Variants in LOXL3 observed in about 807,000 individuals in gnomAD.
LOXL3 encodes the protein lysyl oxidase like 3.
In LOXL3, 60 loss-of-function variants were observed where a neutral mutation model predicts 91.8. That is an observed-to-expected ratio of 0.65 (90% CI 0.53 to 0.81). LOXL3 has a LOEUF of 0.81. Ranked by LOEUF, LOXL3 falls within the 30% of genes least tolerant of loss-of-function variation. The pLI is 0.00. For synonymous variants in LOXL3, 355 were observed against 387.6 expected (o/e 0.92, Z 0.99); for missense variants, 874 against 1,000.4 (o/e 0.87, Z 1.70).
rs1055997797 is a variant in LOXL3, at chr2:74,549,171, A to G, written c.692+198T>C. ...CGGGAGCCTCGCTGGTCCCCATTTC[A>G]GGTACTCCCTTGGGGCACCTTTCGT... is the stretch of plus-strand genomic sequence containing the variant. On this transcript the variant is annotated intron_variant, in intron 4 of 13. Transcript: ENST00000264094. The surrounding 1 kb of genome is among the most constrained non-coding windows in gnomAD (Gnocchi z 5.3). 1.2e-5 allele frequency: 6 copies of G among 498,670 alleles called. No individual in the cohort carries two copies. The highest frequency in any genetic ancestry group is 2.0e-5 in the Non-Finnish European group (6 of 300,952). 30.9% of individuals were successfully genotyped at this position (498,670 alleles called of 1,614,324 possible).
Position 74,534,568 on chromosome 2 carries a change from C to T in LOXL3, c.1786G>A (p.Ala596Thr). The change falls in exon 10 of 14, where the codon GCT becomes ACT. Residue 596 changes from alanine (A) to threonine (T), a missense_variant. Ala to Thr is a moderately conservative substitution (Grantham distance 58, BLOSUM62 0). Coordinates refer to ENST00000264094, the MANE Select transcript of LOXL3 (RefSeq NM_032603.5). ...NLGRADFRPK[A>T]GRHSWVWHEC... Reference sequence around the variant, plus strand: ...TGCCACACCCAGGAGTGGCGCCCAGCCTTGGGCCTGAAGTCAGCTCGTCCC... The same window carrying T: ...TGCCACACCCAGGAGTGGCGCCCAGTCTTGGGCCTGAAGTCAGCTCGTCCC... The T allele has an allele frequency of 6.2e-7, 1 of 1,614,206 alleles. No individual in the cohort carries two copies. The highest frequency in any genetic ancestry group is 8.5e-7 in the Non-Finnish European group (1 of 1,180,046).
In LOXL3 at chr2:74,534,428, A is replaced by G. The variant is rs1558617061; in HGVS notation, c.1827T>C (p.His609=). The G allele has an allele frequency of 6.2e-7, 1 of 1,614,182 alleles. No individual in the cohort carries two copies. The highest frequency in any genetic ancestry group is 8.5e-7 in the Non-Finnish European group (1 of 1,180,024). ...GAGTGAAGATGTCCATGCTGTGGTA[A>G]TGCCTGTGGGGAGAAGGGAACTTCT... The part of the protein sequence containing the change: ...HSWVWHECHG[H]YHSMDIFTHY... The change falls in exon 11 of 14, where the codon CAT becomes CAC. Residue 609 remains histidine (H), a synonymous_variant. Coordinates refer to ENST00000264094, the MANE Select transcript of LOXL3 (RefSeq NM_032603.5).
chr2:74,543,234 C>T (rs1024535765), intron 4 of LOXL3, among the ~76,000 whole-genome samples: 1 of 152,174 alleles, frequency 6.6e-6, no homozygotes, highest in African/African-American at 2.4e-5. Flanking sequence ...TCTGCAGGCT[C>T]CTCCCCTATC....
At position 74,535,822 on chromosome 2, in the gene LOXL3, A is replaced by T; in HGVS notation, c.1249-67T>A. 1 of 1,510,640 alleles carries T rather than the reference A, an allele frequency of 6.6e-7. No homozygotes were observed. Among genetic ancestry groups the T allele is most frequent in the Non-Finnish European group, 8.8e-7 (1 of 1,133,068 alleles). The allele number at this position is 1,510,640 out of a possible 1,614,324, so 93.6% of individuals were successfully genotyped here. On this transcript the variant is annotated intron_variant, in intron 7 of 13. Transcript: ENST00000264094. The surrounding 1 kb of genome is among the most constrained non-coding windows in gnomAD (Gnocchi z 4.2). ...GTGAGGTAGTGGGAGTCTCTAACAG[A>T]TGTGGCTGAAGCGTGACTCAGGCAC...
Position 74,536,929 on chromosome 2 carries a change from C to A in LOXL3, c.693-1G>T, listed in dbSNP as rs768548943. The A allele has an allele frequency of 1.1e-5, 17 of 1,613,856 alleles. No homozygotes were observed. Among genetic ancestry groups the A allele is most frequent in the Non-Finnish European group, 1.4e-5 (17 of 1,179,828 alleles). On this transcript the variant is annotated splice_acceptor_variant, in intron 4 of 13. Coordinates refer to ENST00000264094, the MANE Select transcript of LOXL3 (RefSeq NM_032603.5). LOFTEE classifies it high-confidence loss of function. The surrounding 1 kb of genome is among the most constrained non-coding windows in gnomAD (Gnocchi z 4.5). ...GTGTTGCTGCCGTTGGGCTAGCAGC[C>A]TAGGGGGACAGGAGTGAGGTGCAGT...
rs1676377427 is a variant in LOXL3 at position 74,542,483 on chromosome 2, C to T, written c.693-5555G>A. Among the ~76,000 whole-genome samples the T allele has an allele frequency of 3.9e-5, 6 of 152,032 alleles. No individual in the cohort carries two copies. In the South Asian group the frequency reaches 1.2e-3, roughly 32 times the overall value. On this transcript the variant is annotated intron_variant, in intron 4 of 13. Coordinates refer to ENST00000264094, the MANE Select transcript of LOXL3 (RefSeq NM_032603.5). ...CCTGCATACCATTTCTTTTTCTCAA[C>T]TGAATCCTTTTAAACATTCAAATCA...
upstream of LOXL3, chr2:74,555,068 G>T: frequency 1.3e-6 from 2 of 1,496,910 alleles, no homozygotes; most frequent in South Asian, 2.6e-5. This position sits in a 1 kb window ranked among gnomAD's most constrained non-coding sequence, Gnocchi z 6.1. Flanking sequence ...ATCCCAAATC[G>T]ACTTGCGCCG....
At chr2:74,544,054 A>G (rs1676474539) in intron 4 of LOXL3, among the ~76,000 whole-genome samples, 1 of 152,142 alleles carries the variant, frequency 6.6e-6, no homozygotes, top group South Asian at 2.1e-4. Context: ...CTGTAAGCCC[A>G]GCACTTTGGG....
chr2:74,539,621 G>A (rs1370090451), intron 4 of LOXL3, among the ~76,000 whole-genome samples: 2 of 152,174 alleles, frequency 1.3e-5, no homozygotes, highest in African/African-American at 4.8e-5. Context: ...TAAGATCAAA[G>A]CTTGCCCATC....
intron 4 of LOXL3, among the ~76,000 whole-genome samples, chr2:74,543,611 G>A (rs1232960512): frequency 6.6e-6 from 1 of 152,024 alleles, no homozygotes. Flanking sequence ...GGGGCGTGGT[G>A]GCTCATAGCT....
At chr2:74,552,840 G>A in intron 1 of LOXL3, 194 bp from the exon 2 acceptor site, 1 of 566,538 alleles carries the variant, frequency 1.8e-6, no homozygotes, top group East Asian at 2.9e-5. Flanking sequence ...CTGAGGCACA[G>A]GTCATAGAGG....
At position 74,552,545 on chromosome 2, in the gene LOXL3, G is replaced by A; in HGVS notation, c.90C>T (p.Ser30=). The change falls in exon 2 of 14, where the codon TCC becomes TCT. Residue 30 remains serine, a synonymous_variant. Transcript: ENST00000264094. Reference sequence around the variant, plus strand: ...TCCCGGCCTTCTTCTCAGGGCCCGTGGAAGGGGACGGAGACCCCAAGCACG... The same window carrying A: ...TCCCGGCCTTCTTCTCAGGGCCCGTAGAAGGGGACGGAGACCCCAAGCACG... ...CSSCLGSPSP[S]TGPEKKAGSQ... 6.2e-7 allele frequency: 1 copy of A among 1,612,348 alleles called. No individual in the cohort carries two copies. Among genetic ancestry groups the A allele is most frequent in the Non-Finnish European group, 8.5e-7 (1 of 1,179,392 alleles).
chr2:74,546,120 T>C (rs1475603288), intron 4 of LOXL3, among the ~76,000 whole-genome samples: 1 of 152,210 alleles, frequency 6.6e-6, no homozygotes, highest in African/African-American at 2.4e-5. Flanking sequence ...CAGCAAGTCC[T>C]ATAGCTCTGC....
rs1675677087 is a variant in LOXL3, at chr2:74,532,419, C to T, written c.*1187G>A. 3.3e-6 allele frequency: 2 copies of T among 614,414 alleles called. No individual in the cohort carries two copies. The highest frequency in any genetic ancestry group is 6.0e-6 in the Non-Finnish European group (2 of 334,372). 38.1% of individuals were successfully genotyped at this position (614,414 alleles called of 1,614,324 possible). A position where few individuals can be genotyped will look rare whatever the true frequency, so the allele number is the denominator to read the frequency against. ...ATTTAACACTGTTTGTCATTTGGTG[C>T]CCTCATGTGGTGTACATCTTTTATG... On this transcript the variant is annotated 3_prime_UTR_variant, in exon 14 of 14. Transcript: ENST00000264094.
In LOXL3 at chr2:74,534,210, T is replaced by A; in HGVS notation, c.1966A>T (p.Asn656Tyr). Residue 656 changes from asparagine (N) to tyrosine (Y), a missense_variant, in exon 12 of 14, where the codon AAC becomes TAC. Asn to Tyr is a moderately radical substitution (Grantham distance 143). Coordinates refer to ENST00000264094, the MANE Select transcript of LOXL3 (RefSeq NM_032603.5). ...EDVSKRYECA[N>Y]FGEQGITVGC... ...ACAGTGATGCCTTGCTCTCCAAAGT[T>A]GGCACACTCATACCGCTTGGAGACA... 6.2e-7 allele frequency: 1 copy of A among 1,614,166 alleles called. No homozygotes were observed. Among genetic ancestry groups the A allele is most frequent in the East Asian group, 2.2e-5 (1 of 44,868 alleles).
At position 74,549,498 on chromosome 2, in the gene LOXL3, A is replaced by G. The variant is rs749209218; in HGVS notation, c.563T>C (p.Leu188Pro). 8 of 1,613,690 alleles carry G rather than the reference A, an allele frequency of 5.0e-6. No individual in the cohort carries two copies. Residue 188 changes from leucine to proline, a missense_variant, in exon 4 of 14, where the codon CTG becomes CCG. By Grantham distance (98) the Leu-to-Pro change is moderately conservative. Transcript: ENST00000264094. The surrounding 1 kb of genome is among the most constrained non-coding windows in gnomAD (Gnocchi z 5.3). ...GRRPLPVTEGLVEVRLPDGWS... is the reference protein window; with the variant it reads ...GRRPLPVTEGPVEVRLPDGWS... ...GCCGTCAGGAAGCCTGACTTCCACC[A>G]GCCCCTCCGTCACGGGCAGGGGTCG...
rs1346730367 is a variant in LOXL3, at chr2:74,534,127, A to G, written c.2049T>C (p.Asp683=). 6.2e-7 allele frequency: 1 copy of G among 1,614,044 alleles called. No homozygotes were observed. The highest frequency in any genetic ancestry group is 1.3e-5 in the African/African-American group (1 of 74,916). ...GGAGAATGTAGTTTCCTGGCTTCAC[A>G]TCCGTGATGTCAATCCACTGACAGT... The part of the protein sequence containing the change: ...DIDCQWIDIT[D]VKPGNYILQV... Residue 683 remains aspartate, a synonymous_variant, in exon 12 of 14, where the codon GAT becomes GAC. Transcript: ENST00000264094.
intron 4 of LOXL3, among the ~76,000 whole-genome samples, chr2:74,541,755 G>T (rs1387836585): frequency 1.3e-5 from 2 of 150,870 alleles, no homozygotes; most frequent in Admixed American, 1.3e-4. Flanking sequence ...TATATCAACA[G>T]GTCTTTGTAT....
chr2:74,552,757 G>T, intron 1 of LOXL3, 111 bp from the exon 2 acceptor site: 1 of 910,116 alleles, frequency 1.1e-6, no homozygotes, highest in Non-Finnish European at 1.6e-6. Flanking sequence ...GTAAGACAGA[G>T]ACAGCGAGAG....
Sources: gnomAD v4.1 joint callset for allele counts (sites outside exome capture counted in the v4.1 genomes callset) on GRCh38, gnomAD v4.1.1 for gene constraint, Gnocchi (gnomAD v3.1) non-coding constraint, MANE v1.5 for transcripts, NCBI Gene and HGNC (gene_info 2026-07-23, HGNC 2026-07-21) for gene names.